Variants in DYNC2I2 observed in about 807,000 individuals in gnomAD.
The protein encoded by DYNC2I2 is dynein 2 intermediate chain 2, also known as cytoplasmic dynein 2 intermediate chain 2.
DYNC2I2 carries 39 observed loss-of-function variants against 52.0 expected under a neutral mutation model. That is an observed-to-expected ratio of 0.75 (90% CI 0.58 to 0.98). The LOEUF (loss-of-function observed/expected upper bound fraction) is 0.98. Ranked by LOEUF, DYNC2I2 falls within the 50% of genes least tolerant of loss-of-function variation. The pLI is 0.00. For synonymous variants in DYNC2I2, 359 were observed against 321.1 expected, an observed-to-expected ratio of 1.12 and a Z score of -1.26; for missense variants, 743 against 728.4, an observed-to-expected ratio of 1.02 and a Z score of -0.23.
chr9:128,656,672 C>T lies in DYNC2I2; in HGVS notation c.55G>A (p.Ala19Thr). 1 of 1,511,294 alleles carries T rather than the reference C, an allele frequency of 6.6e-7. No homozygotes were observed. Among genetic ancestry groups the T allele is most frequent in the African/African-American group, 1.4e-5 (1 of 69,520 alleles). 93.6% of individuals were successfully genotyped at this position (1,511,294 alleles called of 1,614,324 possible). A position where few individuals can be genotyped will look rare whatever the true frequency, so the allele number is the denominator to read the frequency against. ...PLSQAGSAGV[A>T]ALATVGVASG... ...GCAACCCCGACTGTCGCCAGCGCCG[C>T]AACACCAGCGCTTCCCGCCTGGCTG... The change falls in exon 1 of 9, where the codon GCG (alanine) becomes ACG (threonine). Residue 19 changes from alanine to threonine, a missense_variant. By Grantham distance (58) the Ala-to-Thr change is moderately conservative. Transcript: ENST00000372715.
At position 128,646,416 on chromosome 9, in the gene DYNC2I2, C is replaced by T. The variant is rs534926092; in HGVS notation, c.187-5477G>A. 8.5e-5 allele frequency among the ~76,000 whole-genome samples: 13 copies of T among 152,268 alleles called. No individual in the cohort carries two copies. In the South Asian group the frequency reaches 2.1e-3, roughly 24 times the overall value. ...TAGAGACGGGGATTCACCATGTCAGCCAGGCTGGTCTCAAACTCCTGAACC... is the reference window on the plus strand; with the variant it reads ...TAGAGACGGGGATTCACCATGTCAGTCAGGCTGGTCTCAAACTCCTGAACC... On this transcript the variant is annotated intron_variant, in intron 1 of 8. Transcript: ENST00000372715.
the DYNC2I2 span, among the ~76,000 whole-genome samples, chr9:128,682,064 C>CTT: frequency 5.5e-3 from 774 of 141,970 alleles, 7 homozygotes; most frequent in African/African-American, 0.019. Context: ...CAGAGTGAGA[C>CTT]TTTTTTTTTT....
At chr9:128,636,696 A>C (rs1283171828) in intron 3 of DYNC2I2, among the ~76,000 whole-genome samples, 1 of 152,158 alleles carries the variant, frequency 6.6e-6, no homozygotes, top group African/African-American at 2.4e-5. Context: ...CGAGGCAGGC[A>C]GGCCCAGGGC....
intron 1 of DYNC2I2, among the ~76,000 whole-genome samples, chr9:128,641,475 C>T (rs1226058094): frequency 2.0e-5 from 3 of 152,158 alleles, no homozygotes; most frequent in Admixed American, 2.0e-4. Flanking sequence ...AGGCCTTGCT[C>T]TCCACCCTGC....
At chr9:128,648,445 G>C (rs967278689) in intron 1 of DYNC2I2, among the ~76,000 whole-genome samples, 1 of 151,810 alleles carries the variant, frequency 6.6e-6, no homozygotes, top group Non-Finnish European at 1.5e-5. Flanking sequence ...ATATGCTAGA[G>C]AATCTCCTGG....
the DYNC2I2 span, among the ~76,000 whole-genome samples, chr9:128,670,684 C>T: frequency 1.3e-5 from 2 of 150,178 alleles, no homozygotes; most frequent in African/African-American, 2.5e-5. Context: ...TGTAGTGAGC[C>T]GAGATCACAC....
the DYNC2I2 span, among the ~76,000 whole-genome samples, chr9:128,668,610 C>T: frequency 2.0e-5 from 3 of 150,526 alleles, no homozygotes; most frequent in African/African-American, 7.3e-5. Flanking sequence ...ATCACAAGGT[C>T]AGGAGTTTGA....
At chr9:128,661,031 G>A (rs1193106918), upstream of DYNC2I2, among the ~76,000 whole-genome samples, 1 of 151,960 alleles carries the variant, frequency 6.6e-6, no homozygotes, top group Non-Finnish European at 1.5e-5. Context: ...CCAGGTCAAA[G>A]CTGTTTTAAT....
intron 1 of DYNC2I2, among the ~76,000 whole-genome samples, chr9:128,641,939 T>C (rs1244080806): frequency 6.6e-6 from 1 of 151,722 alleles, no homozygotes; most frequent in African/African-American, 2.4e-5. Context: ...GCACTTTGCA[T>C]GGTATTTGGC....
intron 2 of DYNC2I2, among the ~76,000 whole-genome samples, chr9:128,637,260 G>T (rs10114606): frequency 1.3e-5 from 2 of 152,144 alleles, no homozygotes; most frequent in Non-Finnish European, 2.9e-5. Flanking sequence ...CCGCCCAGAG[G>T]GGTGGCTGCC....
In DYNC2I2 at chr9:128,634,284, C is replaced by T. The variant is rs1554770847; in HGVS notation, c.1314G>A (p.Leu438=). 3 of 1,613,886 alleles carry T rather than the reference C, an allele frequency of 1.9e-6. No individual in the cohort carries two copies. Among genetic ancestry groups the T allele is most frequent in the Non-Finnish European group, 2.5e-6 (3 of 1,179,986 alleles). The change falls in exon 8 of 9, where the codon CTG becomes CTA. Residue 438 remains leucine (L), a synonymous_variant. Transcript: ENST00000372715. ...LTSLQLSLKY[L]FAVRWSPVRP... is the part of the protein sequence containing the mutation. ...GCACTGGGGACCAGCGCACAGCAAACAGATACTTGAGGGAGAGCTGCAGCG... is the reference window on the plus strand; with the variant it reads ...GCACTGGGGACCAGCGCACAGCAAATAGATACTTGAGGGAGAGCTGCAGCG...
chr9:128,636,602 G>C (rs1442454024), intron 3 of DYNC2I2, among the ~76,000 whole-genome samples, 164 bp from the exon 4 acceptor site: 1 of 152,148 alleles, frequency 6.6e-6, no homozygotes, highest in East Asian at 1.9e-4. Flanking sequence ...GCACCCCAAG[G>C]GTGTGGCATT....
At chr9:128,637,198 T>C (rs145358912) in intron 2 of DYNC2I2, among the ~76,000 whole-genome samples, 171 bp from the exon 3 acceptor site, 73 of 152,300 alleles carry the variant, frequency 4.8e-4, no homozygotes, top group African/African-American at 1.6e-3. Flanking sequence ...CCCAGCAGAA[T>C]GCTTCCAGAA....
intron 1 of DYNC2I2, among the ~76,000 whole-genome samples, chr9:128,655,359 A>AAAAAAAAAAAAAAAAG (rs1860797856): frequency 7.1e-6 from 1 of 140,442 alleles, no homozygotes; most frequent in Non-Finnish European, 1.5e-5. Context: ...AAAAAAAAAA[A>AAAAAAAAAAAAAAAAG]AATTAGCCGG....
intron 1 of DYNC2I2, among the ~76,000 whole-genome samples, chr9:128,656,039 C>A (rs559404625): frequency 6.6e-6 from 1 of 151,952 alleles, no homozygotes; most frequent in South Asian, 2.1e-4. Context: ...GAGACCCCAT[C>A]TCTACAAGAT....
chr9:128,667,333 A>T, the DYNC2I2 span, among the ~76,000 whole-genome samples: 3 of 151,740 alleles, frequency 2.0e-5, no homozygotes, highest in East Asian at 3.9e-4. Context: ...TTTATTTTTT[A>T]TTTTTTTATT....
In DYNC2I2 at chr9:128,634,383, C is replaced by T; in HGVS notation, c.1215G>A (p.Arg405=). 6.3e-7 allele frequency: 1 copy of T among 1,577,828 alleles called. No homozygotes were observed. Among genetic ancestry groups the T allele is most frequent in the Non-Finnish European group, 8.6e-7 (1 of 1,162,930 alleles). Reference sequence around the variant, plus strand: ...CAGTCCCAGCGCTCAGGAAGAGATTCCTAGACGGGATGCAGGGGGCCAGGC... The same window carrying T: ...CAGTCCCAGCGCTCAGGAAGAGATTTCTAGACGGGATGCAGGGGGCCAGGC... ...IYSVSCSPFH[R]NLFLSAGTDG... is the part of the protein sequence containing the mutation. Residue 405 remains arginine (R), a splice_region_variant and synonymous_variant, in exon 8 of 9, where the codon AGG becomes AGA. Transcript: ENST00000372715.
the DYNC2I2 span, among the ~76,000 whole-genome samples, chr9:128,667,920 A>G: frequency 4.0e-5 from 5 of 126,472 alleles, no homozygotes; most frequent in Non-Finnish European, 8.0e-5. Context: ...TGTAGTAGAG[A>G]TGGGGTTTCA....
chr9:128,655,607 C>CAA (rs1404451188), intron 1 of DYNC2I2, among the ~76,000 whole-genome samples: 1 of 120,510 alleles, frequency 8.3e-6, no homozygotes. Context: ...GACTCTGTCT[C>CAA]AAAAAAAAGA....
Sources: allele counts gnomAD v4.1 joint callset (sites outside exome capture counted in the v4.1 genomes callset), GRCh38; gene constraint gnomAD v4.1.1; transcripts MANE v1.5; gene names NCBI Gene and HGNC (gene_info 2026-07-23, HGNC 2026-07-21).